Variants in AHDC1 observed in about 807,000 individuals in gnomAD.
AHDC1 encodes AT-hook DNA binding motif containing 1.
Under a neutral mutation model 87.9 loss-of-function variants are expected in AHDC1, and 7 were observed. The ratio of observed to expected loss-of-function variants is 0.08; its 90% CI spans 0.05 to 0.15. The LOEUF is 0.15. Ranked by LOEUF, AHDC1 falls within the 10% of genes least tolerant of loss-of-function variation. The pLI is 1.00. For synonymous variants in AHDC1, 1,051 were observed against 1,006.8 expected (o/e 1.04, Z -0.83); for missense variants, 1,841 against 2,253.2 (o/e 0.82, Z 3.70).
At position 27,549,105 on chromosome 1, in the gene AHDC1, C is replaced by T. The variant is rs376544459; in HGVS notation, c.3011G>A (p.Ser1004Asn). 1.6e-5 allele frequency: 25 copies of T among 1,550,422 alleles called. No homozygotes were observed. The African/African-American group carries it at 2.9e-4, about 18-fold the overall frequency. The change falls in exon 8 of 9, where the codon AGT (serine) becomes AAT (asparagine). Residue 1004 changes from serine (S) to asparagine (N), a missense_variant. Physicochemically the swap from Ser to Asn is conservative, Grantham distance 46. Transcript: ENST00000673934. ...NSKDCSFAYG[S>N]GNSLPASPSS... ...GGGTGAGGCAGGGAGGCTGTTGCCA[C>T]TGCCATAGGCGAAGCTGCAGTCCTT...
At chr1:27,602,986 T>TCCCC (rs552714980) in intron 3 of AHDC1, among the ~76,000 whole-genome samples, 15 of 69,864 alleles carry the variant, frequency 2.1e-4, no homozygotes, top group African/African-American at 7.0e-4. Context: ...CCCCCTTCAT[T>TCCCC]CCCCCCCCCC....
rs180855187 is a variant in AHDC1 at position 27,577,887 on chromosome 1, G to C, written c.-628-19004C>G. 5.5e-3 allele frequency among the ~76,000 whole-genome samples: 844 copies of C among 152,322 alleles called. 12 individuals carry two copies. The highest frequency in any genetic ancestry group is 6.0e-3 in the Non-Finnish European group (408 of 68,024). ...ACCCTGAGAGGCCAGAGCCCCAACA[G>C]AGATTCCACCTGAGGCCAGGGAGTT... On this transcript the variant is annotated intron_variant, in intron 3 of 8. Transcript: ENST00000673934.
intron 8 of AHDC1, among the ~76,000 whole-genome samples, chr1:27,537,357 T>C (rs1023147919): frequency 6.6e-6 from 1 of 152,128 alleles, no homozygotes; most frequent in Non-Finnish European, 1.5e-5. Flanking sequence ...ACCAGGGTAA[T>C]TACCACGCAG....
chr1:27,580,400 A>G (rs1571315820), intron 3 of AHDC1, among the ~76,000 whole-genome samples: 1 of 152,244 alleles, frequency 6.6e-6, no homozygotes, highest in Non-Finnish European at 1.5e-5. Context: ...GTCTCTCCTC[A>G]GAGCTGAGCT....
rs756490904 is a variant in AHDC1 at position 27,550,475 on chromosome 1, G to A, written c.1641C>T (p.Arg547=). Residue 547 remains arginine, a synonymous_variant, in exon 8 of 9, where the codon CGC becomes CGT. Transcript: ENST00000673934. ...GCAGCAGGTTCTTAGGAGGGCGGCC[G>A]CGCTTACGTTTGAGAATAATGGGCA... ...GEMPIILKRK[R]GRPPKNLLLG... The A allele has an allele frequency of 3.7e-5, 59 of 1,605,446 alleles. No individual in the cohort carries two copies. The highest frequency in any genetic ancestry group is 6.7e-5 in the East Asian group (3 of 44,710).
intron 8 of AHDC1, among the ~76,000 whole-genome samples, chr1:27,542,007 C>T (rs2018945894): frequency 6.6e-6 from 1 of 152,214 alleles, no homozygotes; most frequent in Non-Finnish European, 1.5e-5. Context: ...CTCAGTGATA[C>T]CTGCAGCACT....
chr1:27,569,338 C>T (rs549997022), intron 3 of AHDC1, among the ~76,000 whole-genome samples: 2 of 152,212 alleles, frequency 1.3e-5, no homozygotes, highest in South Asian at 4.1e-4. Context: ...ATGGTGAGTA[C>T]TATTAGTCTT....
At chr1:27,538,576 A>G (rs181503757) in intron 8 of AHDC1, among the ~76,000 whole-genome samples, 8 of 151,362 alleles carry the variant, frequency 5.3e-5, no homozygotes, top group Admixed American at 4.6e-4. Context: ...GTGCAGTGGC[A>G]CAATCACGGC....
chr1:27,586,271 C>T (rs992835264), intron 3 of AHDC1, among the ~76,000 whole-genome samples: 3 of 151,906 alleles, frequency 2.0e-5, no homozygotes, highest in South Asian at 4.2e-4. Flanking sequence ...CAGACCTGGG[C>T]GAGAAGAGGG....
chr1:27,566,517 G>A (rs1440145515), intron 3 of AHDC1, among the ~76,000 whole-genome samples: 3 of 151,860 alleles, frequency 2.0e-5, no homozygotes, highest in Non-Finnish European at 2.9e-5. Context: ...GAGCACCAGC[G>A]ACCCGGGAGC....
At chr1:27,564,494 G>A (rs553204239) in intron 3 of AHDC1, among the ~76,000 whole-genome samples, 54 of 152,314 alleles carry the variant, frequency 3.5e-4, no homozygotes, top group Non-Finnish European at 5.9e-4. Flanking sequence ...AAAGTGGGCC[G>A]CTCCTCAAGA....
rs907050647 is a variant in AHDC1 at position 27,562,437 on chromosome 1, G to A, written c.-628-3554C>T. Among the ~76,000 whole-genome samples the A allele has an allele frequency of 2.0e-5, 3 of 152,144 alleles. No individual in the cohort carries two copies. The highest frequency in any genetic ancestry group is 7.2e-5 in the African/African-American group (3 of 41,412). On this transcript the variant is annotated intron_variant, in intron 3 of 8. Transcript: ENST00000673934. The surrounding 1 kb of genome is among the most constrained non-coding windows in gnomAD (Gnocchi z 4.4). Reference sequence around the variant, plus strand: ...AACAGTTTCAGGGGCAGGAGAGGCAGGAAATAGGGTCCCCAGGCCCTCAGG... The same window carrying A: ...AACAGTTTCAGGGGCAGGAGAGGCAAGAAATAGGGTCCCCAGGCCCTCAGG...
rs2019506777 is a variant in AHDC1, at chr1:27,550,858, T to C, written c.1258A>G (p.Thr420Ala). The C allele has an allele frequency of 1.9e-6, 3 of 1,578,986 alleles. No individual in the cohort carries two copies. Among genetic ancestry groups the C allele is most frequent in the South Asian group, 1.1e-5 (1 of 87,714 alleles). The stretch of plus-strand genomic sequence containing the variant: ...TCGGCCAGGGCAGCCACCAGCCCCG[T>C]GGGCATAGGCAGGGGCAGTAGGCGG... ...EGRLLPLPMP[T>A]GLVAALAEPP... Residue 420 changes from threonine (T) to alanine (A), a missense_variant, in exon 8 of 9, where the codon ACG becomes GCG. Thr to Ala is a moderately conservative substitution (Grantham distance 58). This residue lies in a region of AHDC1 where 370 missense variants were observed against 391.5 expected (regional missense o/e 0.95). Transcript: ENST00000673934.
intron 3 of AHDC1, among the ~76,000 whole-genome samples, chr1:27,597,087 T>A (rs1409693935): frequency 1.3e-5 from 2 of 152,140 alleles, no homozygotes; most frequent in Admixed American, 1.3e-4. Flanking sequence ...CCAGAAGGGC[T>A]CTCACCGACT....
At chr1:27,597,619 G>A (rs2089413614) in intron 3 of AHDC1, among the ~76,000 whole-genome samples, 2 of 152,060 alleles carry the variant, frequency 1.3e-5, no homozygotes, top group Non-Finnish European at 2.9e-5. Context: ...CTTTCTCCCT[G>A]ACCTCTTTAG....
intron 3 of AHDC1, among the ~76,000 whole-genome samples, chr1:27,594,698 C>T (rs539279610): frequency 6.6e-5 from 10 of 152,034 alleles, no homozygotes; most frequent in Middle Eastern, 3.4e-3. Flanking sequence ...AGAGAGAGAG[C>T]GAGAGCACAC....
rs1279546657 is a variant in AHDC1, at chr1:27,565,804, C to T, written c.-628-6921G>A. Among the ~76,000 whole-genome samples the T allele has an allele frequency of 6.6e-6, 1 of 152,172 alleles. No individual in the cohort carries two copies. The highest frequency in any genetic ancestry group is 2.4e-5 in the African/African-American group (1 of 41,424). ...GAGAGCTTCTTGGGCCAGTTTAGCT[C>T]CTGGAACTATCTTCTGTTCCTACCC... On this transcript the variant is annotated intron_variant, in intron 3 of 8. Coordinates refer to ENST00000673934, the MANE Select transcript of AHDC1 (RefSeq NM_001371928.1). This position sits in a 1 kb window ranked among gnomAD's most constrained non-coding sequence, Gnocchi z 4.6.
rs141830682 is a variant in AHDC1 at position 27,591,698 on chromosome 1, G to A, written c.-629+11699C>T. Among the ~76,000 whole-genome samples, 169 of 152,322 alleles carry A rather than the reference G, an allele frequency of 1.1e-3. 1 individual carries two copies. Among genetic ancestry groups the A allele is most frequent in the Admixed American group, 1.8e-3 (27 of 15,292 alleles). ...ACTGGTGGGGTGGTTAAGAGCACAT[G>A]TTCTAGGGACATACAGACCCGGATT... On this transcript the variant is annotated intron_variant, in intron 3 of 8. Coordinates refer to ENST00000673934, the MANE Select transcript of AHDC1 (RefSeq NM_001371928.1).
intron 3 of AHDC1, among the ~76,000 whole-genome samples, chr1:27,575,920 G>A (rs904812619): frequency 2.0e-5 from 3 of 151,918 alleles, no homozygotes; most frequent in Non-Finnish European, 4.4e-5. Context: ...CGTGGCGGGG[G>A]GAGGGGAGGG....
Sources: allele counts gnomAD v4.1 joint callset (sites outside exome capture counted in the v4.1 genomes callset), GRCh38; gene constraint gnomAD v4.1.1; regional missense constraint gnomAD v4.1.1; non-coding constraint Gnocchi (gnomAD v3.1); transcripts MANE v1.5; gene names NCBI Gene and HGNC (gene_info 2026-07-23, HGNC 2026-07-21).